ABRAXAS1: variants seen among roughly 807,000 people sequenced by gnomAD.
ABRAXAS1 encodes the protein abraxas 1, BRCA1 A complex subunit.
A neutral mutation model predicts 38.4 loss-of-function variants in ABRAXAS1; 26 were observed. That is an observed-to-expected ratio of 0.68 (90% CI 0.50 to 0.94). The LOEUF (loss-of-function observed/expected upper bound fraction) is 0.94. Among genes scored for constraint, ABRAXAS1 ranks in the 40% least tolerant of loss-of-function variants. The pLI, the probability that ABRAXAS1 is intolerant of heterozygous loss-of-function variation, is 0.00. For synonymous variants in ABRAXAS1, 144 were observed against 165.5 expected (o/e 0.87, Z 1.00); for missense variants, 438 against 481.9 (o/e 0.91, Z 0.85).
chr4:83,477,586 C>T (rs528867261), intron 2 of ABRAXAS1: 6 of 490,252 alleles, frequency 1.2e-5, no homozygotes, highest in East Asian at 5.1e-5. Flanking sequence ...TTGTATATGA[C>T]GCCTTGCCTC....
At chr4:83,468,910 C>A in intron 6 of ABRAXAS1, 122 bp downstream of exon 6, 1 of 1,127,810 alleles carries the variant, frequency 8.9e-7, no homozygotes, top group Non-Finnish European at 1.3e-6. Context: ...GTAAAAACAG[C>A]CTAGTTTACT....
At position 83,460,289 on chromosome 4, in the gene ABRAXAS1, C is replaced by G. The variant is rs1722036361; in HGVS notation, c.*2180G>C. 6.6e-6 allele frequency: 1 copy of G among 152,322 alleles called. No homozygotes were observed. The highest frequency in any genetic ancestry group is 1.5e-5 in the Non-Finnish European group (1 of 68,306). 9.4% of individuals were successfully genotyped at this position (152,322 alleles called of 1,614,324 possible). A position where few individuals can be genotyped will look rare whatever the true frequency, so the allele number is the denominator to read the frequency against. On this transcript the variant is annotated 3_prime_UTR_variant, in exon 9 of 9. Transcript: ENST00000321945. ...TCTCATGCTTCAGCCTCCCGAATAG[C>G]TGGGATTACAGGCATGCACCACCAC...
chr4:83,483,375 G>C (rs1323470640), intron 1 of ABRAXAS1, among the ~76,000 whole-genome samples: 1 of 150,742 alleles, frequency 6.6e-6, no homozygotes, highest in Non-Finnish European at 1.5e-5. Flanking sequence ...TGACCTCCCA[G>C]GCTCAAACAA....
intron 3 of ABRAXAS1, among the ~76,000 whole-genome samples, chr4:83,475,826 T>C (rs761796455): frequency 1.1e-4 from 16 of 152,206 alleles, no homozygotes; most frequent in Non-Finnish European, 2.4e-4. Context: ...AAATACACAA[T>C]GTATTAGAGT....
chr4:83,469,203 T>G (rs774338791), intron 5 of ABRAXAS1, 52 bp from the exon 6 acceptor site: 127 of 1,496,136 alleles, frequency 8.5e-5, no homozygotes, highest in Middle Eastern at 3.4e-4. Flanking sequence ...GAAAGATTAG[T>G]ATCTACCTGC....
At position 83,463,481 on chromosome 4, in the gene ABRAXAS1, G is replaced by C; in HGVS notation, c.796+13C>G. Reference sequence around the variant, plus strand: ...TTTTTAGCACAGAAAGTAGAGATGTGTTGTTTACTTACTTGCTGCCTGAAT... The same window carrying C: ...TTTTTAGCACAGAAAGTAGAGATGTCTTGTTTACTTACTTGCTGCCTGAAT... On this transcript the variant is annotated intron_variant, in intron 8 of 8. Coordinates refer to ENST00000321945, the MANE Select transcript of ABRAXAS1 (RefSeq NM_139076.3). The C allele has an allele frequency of 6.5e-7, 1 of 1,534,022 alleles. No individual in the cohort carries two copies. The highest frequency in any genetic ancestry group is 8.9e-7 in the Non-Finnish European group (1 of 1,120,382).
In ABRAXAS1 at chr4:83,485,009, G is replaced by A. The variant is rs756786001; in HGVS notation, c.64C>T (p.His22Tyr). The change falls in exon 1 of 9, where the codon CAC becomes TAC. Residue 22 changes from histidine to tyrosine, a missense_variant. Transcript: ENST00000321945. Reference sequence around the variant, plus strand: ...ACCGTGTCCGAGTCCGTGTTGAGGTGCTGGAAAGCGAGTGCGCCGAGCACA... The same window carrying A: ...ACCGTGTCCGAGTCCGTGTTGAGGTACTGGAAAGCGAGTGCGCCGAGCACA... ...GFVLGALAFQHLNTDSDTEGF... is the reference protein window; with the variant it reads ...GFVLGALAFQYLNTDSDTEGF... The A allele has an allele frequency of 5.6e-6, 9 of 1,594,446 alleles. No homozygotes were observed. Among genetic ancestry groups the A allele is most frequent in the Admixed American group, 1.7e-5 (1 of 58,604 alleles).
chr4:83,471,570 T>G (rs1722593477), intron 4 of ABRAXAS1, among the ~76,000 whole-genome samples: 1 of 152,192 alleles, frequency 6.6e-6, no homozygotes, highest in Admixed American at 6.5e-5. Flanking sequence ...GAAAAAGTAG[T>G]GCCTTGAAAA....
Position 83,460,531 on chromosome 4 carries a change from T to C in ABRAXAS1, c.*1938A>G, listed in dbSNP as rs1265924014. ...CTACAACAGCAGAGTTGAGTGGCAG[T>C]GATGGAGACTGTATGGCCCACAAAA... On this transcript the variant is annotated 3_prime_UTR_variant, in exon 9 of 9. Transcript: ENST00000321945. 1 of 174,136 alleles carries C rather than the reference T, an allele frequency of 5.7e-6. No homozygotes were observed. Among genetic ancestry groups the C allele is most frequent in the East Asian group, 1.8e-4 (1 of 5,714 alleles). 10.8% of individuals were successfully genotyped at this position (174,136 alleles called of 1,614,324 possible).
chr4:83,467,910 A>C (rs774720318), intron 6 of ABRAXAS1, among the ~76,000 whole-genome samples: 8 of 152,216 alleles, frequency 5.3e-5, no homozygotes, highest in Non-Finnish European at 1.2e-4. Context: ...CCTTTACTTG[A>C]AAGAGACATC....
At position 83,462,907 on chromosome 4, in the gene ABRAXAS1, A is replaced by G; in HGVS notation, c.797-5T>C. 6.5e-7 allele frequency: 1 copy of G among 1,536,654 alleles called. No homozygotes were observed. Among genetic ancestry groups the G allele is most frequent in the Non-Finnish European group, 8.8e-7 (1 of 1,142,094 alleles). On this transcript the variant is annotated splice_region_variant and splice_polypyrimidine_tract_variant and intron_variant, in intron 8 of 8. Transcript: ENST00000321945. ...CTTTTTGGATGTTCTTCTCTCCTAA[A>G]CAAAATAGAATAACAGTTCAACATA...
chr4:83,463,800 G>A (rs537631919), intron 7 of ABRAXAS1, 192 bp from the exon 8 acceptor site: 1 of 361,822 alleles, frequency 2.8e-6, no homozygotes, highest in African/African-American at 2.1e-5. Context: ...AGCCTTATAG[G>A]TTGTAAAATG....
At chr4:83,474,197 C>G (rs1040310995) in intron 3 of ABRAXAS1, among the ~76,000 whole-genome samples, 4 of 147,238 alleles carry the variant, frequency 2.7e-5, no homozygotes, top group Non-Finnish European at 4.5e-5. Flanking sequence ...TCTATCTATC[C>G]ATCCACACAC....
intron 7 of ABRAXAS1, chr4:83,463,852 G>A: frequency 3.7e-6 from 1 of 267,284 alleles, no homozygotes; most frequent in Non-Finnish European, 6.9e-6. Flanking sequence ...CTTTTATCAT[G>A]CCAGTTAGTT....
intron 7 of ABRAXAS1, among the ~76,000 whole-genome samples, chr4:83,465,011 A>G (rs1722293528): frequency 6.6e-6 from 1 of 152,174 alleles, no homozygotes; most frequent in Non-Finnish European, 1.5e-5. Flanking sequence ...TTAAAAATAA[A>G]GAGGCCGGGC....
intron 7 of ABRAXAS1, 57 bp downstream of exon 7, chr4:83,467,397 T>C (rs1282549971): frequency 1.0e-5 from 10 of 978,162 alleles, no homozygotes; most frequent in Non-Finnish European, 1.6e-5. Flanking sequence ...ATGTCAGTCA[T>C]TAACTTGATA....
At chr4:83,484,128 A>C in intron 1 of ABRAXAS1, 1 of 961,904 alleles carries the variant, frequency 1.0e-6, no homozygotes, top group Non-Finnish European at 1.2e-6. Context: ...TCGGCTTCCC[A>C]AAGGGCTGGA....
At chr4:83,482,308 G>T in intron 1 of ABRAXAS1, 64 bp from the exon 2 acceptor site, 1 of 1,012,818 alleles carries the variant, frequency 9.9e-7, no homozygotes, top group Non-Finnish European at 1.5e-6. Context: ...TTAACTAACC[G>T]TATTTCCTGA....
Position 83,471,177 on chromosome 4 carries a change from G to T in ABRAXAS1, c.283-781C>A, listed in dbSNP as rs1203066604. ...CAAGCATTTTCAGCCAAACATATTT[G>T]TTGAAAGAAACATCTTTTTTTTTTT... On this transcript the variant is annotated intron_variant, in intron 4 of 8. Transcript: ENST00000321945. Among the ~76,000 whole-genome samples, 13 of 117,712 alleles carry T rather than the reference G, an allele frequency of 1.1e-4. No individual in the cohort carries two copies. In the South Asian group the frequency reaches 3.2e-3, roughly 29 times the overall value. The allele number at this position is 117,712 out of a possible 152,430, so 77.2% of individuals were successfully genotyped here.
Sources: gnomAD v4.1 joint callset for allele counts (sites outside exome capture counted in the v4.1 genomes callset) on GRCh38, gnomAD v4.1.1 for gene constraint, MANE v1.5 for transcripts, NCBI Gene and HGNC (gene_info 2026-07-23, HGNC 2026-07-21) for gene names.